UGT1A4: variants seen among roughly 807,000 people sequenced by gnomAD.
The protein encoded by UGT1A4 is UDP-glucuronosyltransferase 1A4.
Under a neutral mutation model 41.1 loss-of-function variants are expected in UGT1A4, and 32 were observed. That is an observed-to-expected ratio of 0.78 (90% CI 0.59 to 1.05). The LOEUF is 1.05. Among genes scored for constraint, UGT1A4 ranks in the 50% least tolerant of loss-of-function variants. UGT1A4 has a pLI of 0.00. For synonymous variants in UGT1A4, 283 were observed against 265.1 expected (o/e 1.07, Z -0.66); for missense variants, 748 against 677.4 (o/e 1.10, Z -1.16).
At chr2:233,724,339 G>T (rs2077227774) in intron 1 of UGT1A4, among the ~76,000 whole-genome samples, 3 of 142,760 alleles carry the variant, frequency 2.1e-5, no homozygotes, top group Non-Finnish European at 3.1e-5. Context: ...GCGGGGGGCT[G>T]ACCCCCCCCA....
Position 233,768,222 on chromosome 2 carries a change from C to G in UGT1A4, c.1090C>G (p.His364Asp). 1 of 1,614,186 alleles carries G rather than the reference C, an allele frequency of 6.2e-7. No homozygotes were observed. Among genetic ancestry groups the G allele is most frequent in the Non-Finnish European group, 8.5e-7 (1 of 1,180,046 alleles). The change falls in exon 4 of 5, where the codon CAC becomes GAC. Residue 364 changes from histidine to aspartate, a missense_variant and splice_region_variant. His to Asp is a moderately conservative substitution (Grantham distance 81, BLOSUM62 -1). Coordinates refer to ENST00000373409, the MANE Select transcript of UGT1A4 (RefSeq NM_007120.3). ...ATCCTCCCTATTTTGCATCTCAGGT[C>G]ACCCGATGACCCGTGCCTTTATCAC... ...KWLPQNDLLG[H>D]PMTRAFITHA... is the part of the protein sequence containing the mutation.
At chr2:233,740,325 T>C (rs1691364696) in intron 1 of UGT1A4, among the ~76,000 whole-genome samples, 1 of 151,932 alleles carries the variant, frequency 6.6e-6, no homozygotes, top group Non-Finnish European at 1.5e-5. Context: ...AATCTGCATT[T>C]ATTGAGAAAG....
intron 1 of UGT1A4, chr2:233,747,857 C>G: frequency 6.2e-7 from 1 of 1,613,516 alleles, no homozygotes. Flanking sequence ...AGAACATGCT[C>G]TACCCTCTGG....
At chr2:233,757,561 T>TATATATATA (rs71058576) in intron 1 of UGT1A4, among the ~76,000 whole-genome samples, 1 of 121,178 alleles carries the variant, frequency 8.3e-6, no homozygotes, top group Non-Finnish European at 1.7e-5. Context: ...TATATATATA[T>TATATATATA]GTATATATGA....
intron 1 of UGT1A4, chr2:233,754,508 T>C (rs1695500116): frequency 2.8e-6 from 1 of 361,410 alleles, no homozygotes; most frequent in East Asian, 7.3e-5. Flanking sequence ...CCGCTATTCC[T>C]CCAGATGTGC....
intron 1 of UGT1A4, among the ~76,000 whole-genome samples, chr2:233,758,813 G>T (rs1033516774): frequency 6.6e-6 from 1 of 152,176 alleles, no homozygotes; most frequent in Non-Finnish European, 1.5e-5. Context: ...TAGTACAGCA[G>T]TATATCCCCC....
chr2:233,747,900 C>T (rs1242605128), intron 1 of UGT1A4: 22 of 1,613,554 alleles, frequency 1.4e-5, no homozygotes, highest in Middle Eastern at 3.3e-4. Flanking sequence ...TCTTTCTGCT[C>T]CTTATGCAAG....
intron 1 of UGT1A4, among the ~76,000 whole-genome samples, chr2:233,749,044 C>T (rs1240324138): frequency 6.6e-6 from 1 of 151,716 alleles, no homozygotes. Context: ...TGATGTGGTA[C>T]TCTGGGACCT....
chr2:233,749,702 A>G (rs7556792), intron 1 of UGT1A4, among the ~76,000 whole-genome samples: 1 of 151,694 alleles, frequency 6.6e-6, no homozygotes, highest in African/African-American at 2.4e-5. Context: ...GTGGGAGGTG[A>G]TTGGATCATG....
intron 1 of UGT1A4, chr2:233,760,668 T>C: frequency 6.2e-7 from 1 of 1,614,252 alleles, no homozygotes; most frequent in Non-Finnish European, 8.5e-7. Context: ...TGTCTGGCTG[T>C]TCCCACTTAC....
At chr2:233,758,941 T>C (rs1697024496) in intron 1 of UGT1A4, among the ~76,000 whole-genome samples, 1 of 152,230 alleles carries the variant, frequency 6.6e-6, no homozygotes, top group Non-Finnish European at 1.5e-5. Flanking sequence ...TTCAAATCAG[T>C]CATCAGAATT....
At chr2:233,721,874 C>G in intron 1 of UGT1A4, 5 of 497,190 alleles carry the variant, frequency 1.0e-5, no homozygotes, top group South Asian at 7.3e-5. Context: ...GGCACACTTG[C>G]CAGCCCCTCC....
At chr2:233,725,279 GGCA>G (rs367576193) in intron 1 of UGT1A4, among the ~76,000 whole-genome samples, 53 of 44,274 alleles carry the variant, frequency 1.2e-3, no homozygotes, top group East Asian at 6.1e-3. Flanking sequence ...CAGAGGCAGA[GGCA>G]GAGGCAGAGG....
In UGT1A4 at chr2:233,767,540, C is replaced by T. The variant is rs570115667; in HGVS notation, c.1000-309C>T. Among the ~76,000 whole-genome samples the T allele has an allele frequency of 2.0e-5, 3 of 152,348 alleles. No homozygotes were observed. In the East Asian group the frequency reaches 5.8e-4, roughly 29 times the overall value. On this transcript the variant is annotated intron_variant, in intron 2 of 4. Transcript: ENST00000373409. ...TGAATTTATGTCTTACATTTCTGCT[C>T]TTATAGTTCTGCATCCACTTGTTTC...
chr2:233,729,171 A>G, intron 1 of UGT1A4: 1 of 1,613,740 alleles, frequency 6.2e-7, no homozygotes, highest in Non-Finnish European at 8.5e-7. Context: ...TGGCCACAGG[A>G]CTGCTGCTTC....
In UGT1A4 at chr2:233,769,594, G is replaced by A; in HGVS notation, c.1307+1155G>A. 2 of 1,612,864 alleles carry A rather than the reference G, an allele frequency of 1.2e-6. No homozygotes were observed. The highest frequency in any genetic ancestry group is 1.7e-6 in the Non-Finnish European group (2 of 1,179,872). On this transcript the variant is annotated intron_variant, in intron 4 of 4. Coordinates refer to ENST00000373409, the MANE Select transcript of UGT1A4 (RefSeq NM_007120.3). This position sits in a 1 kb window ranked among gnomAD's most constrained non-coding sequence, Gnocchi z 4.4. ...GAGCATGTTCAGATGAGAGGAGACG[G>A]AACACGGGGACACACCAGCTTGAGC... is the stretch of plus-strand genomic sequence containing the variant.
chr2:233,726,535 C>T (rs1400370552), intron 1 of UGT1A4, among the ~76,000 whole-genome samples: 1 of 152,142 alleles, frequency 6.6e-6, no homozygotes, highest in Admixed American at 6.6e-5. Flanking sequence ...TAGGGAGATG[C>T]AGTGCAGCGT....
At chr2:233,755,509 C>T (rs143373661) in intron 1 of UGT1A4, 2 of 166,052 alleles carry the variant, frequency 1.2e-5, no homozygotes, top group Middle Eastern at 2.8e-3. Context: ...GACCAGGCCC[C>T]GCCCACTCCG....
At chr2:233,758,423 G>A (rs1305067521) in intron 1 of UGT1A4, among the ~76,000 whole-genome samples, 1 of 152,182 alleles carries the variant, frequency 6.6e-6, no homozygotes, top group Non-Finnish European at 1.5e-5. Flanking sequence ...ATCTGCAAAT[G>A]AACTCACACA....
Sources: allele counts gnomAD v4.1 joint callset (sites outside exome capture counted in the v4.1 genomes callset), GRCh38; gene constraint gnomAD v4.1.1; non-coding constraint Gnocchi (gnomAD v3.1); transcripts MANE v1.5; gene names NCBI Gene and HGNC (gene_info 2026-07-23, HGNC 2026-07-21).